Variants in RIN3 observed in about 807,000 individuals in gnomAD.
The protein encoded by RIN3 is Ras and Rab interactor 3, also known as RAB5 interacting protein 3.
Under a neutral mutation model 76.3 loss-of-function variants are expected in RIN3, and 54 were observed. The observed-to-expected ratio is 0.71, with a 90% CI of 0.57 to 0.89. The LOEUF (loss-of-function observed/expected upper bound fraction) is 0.89. Ranked by LOEUF, RIN3 falls within the 40% of genes least tolerant of loss-of-function variation. RIN3 has a pLI of 0.00. For missense variants in RIN3, 1,256 were observed against 1,322.1 expected, an observed-to-expected ratio of 0.95 and a Z score of 0.78; for synonymous variants, 576 against 564.0, an observed-to-expected ratio of 1.02 and a Z score of -0.30.
chr14:92,540,728 C>A (rs1595399126), intron 1 of RIN3, among the ~76,000 whole-genome samples: 1 of 152,310 alleles, frequency 6.6e-6, no homozygotes, highest in East Asian at 1.9e-4. Flanking sequence ...GCCAGCCTGG[C>A]CGCCTGCCTT....
At chr14:92,620,156 T>C (rs1232615773) in intron 4 of RIN3, among the ~76,000 whole-genome samples, 1 of 152,230 alleles carries the variant, frequency 6.6e-6, no homozygotes, top group Non-Finnish European at 1.5e-5. Flanking sequence ...GACTTTTCCT[T>C]TATATTTAAC....
chr14:92,619,805 G>A (rs1218142599), intron 4 of RIN3, among the ~76,000 whole-genome samples: 1 of 152,132 alleles, frequency 6.6e-6, no homozygotes, highest in Non-Finnish European at 1.5e-5. Flanking sequence ...AAGTTTGACT[G>A]TTTCCAGCAT....
chr14:92,528,246 C>T (rs907073182), intron 1 of RIN3, among the ~76,000 whole-genome samples: 3 of 151,920 alleles, frequency 2.0e-5, no homozygotes, highest in Non-Finnish European at 4.4e-5. Flanking sequence ...TCCCTCCCAC[C>T]GCCTCCCTCC....
At position 92,648,261 on chromosome 14, in the gene RIN3, C is replaced by A. The variant is rs921615277; in HGVS notation, c.533-3321C>A. Among the ~76,000 whole-genome samples the A allele has an allele frequency of 4.6e-5, 7 of 152,252 alleles. No individual in the cohort carries two copies. Among genetic ancestry groups the A allele is most frequent in the African/African-American group, 1.4e-4 (6 of 41,562 alleles). ...GGTTTGCCAGGGTGCAAACCCCAGG[C>A]CTGTCTTGGGGCAGGGAAGCTGTGT... On this transcript the variant is annotated intron_variant, in intron 5 of 9. Coordinates refer to ENST00000216487, the MANE Select transcript of RIN3 (RefSeq NM_024832.5). This position sits in a 1 kb window ranked among gnomAD's most constrained non-coding sequence, Gnocchi z 4.1.
chr14:92,602,407 T>G (rs73328375), intron 3 of RIN3, among the ~76,000 whole-genome samples: 15,065 of 152,218 alleles, frequency 0.099, 931 homozygotes, highest in Non-Finnish European at 0.14. Flanking sequence ...TAGGAGGCAC[T>G]GGGACACCCT....
At position 92,643,651 on chromosome 14, in the gene RIN3, G is replaced by A. The variant is rs1887094227; in HGVS notation, c.532+2322G>A. On this transcript the variant is annotated intron_variant, in intron 5 of 9. Coordinates refer to ENST00000216487, the MANE Select transcript of RIN3 (RefSeq NM_024832.5). The surrounding 1 kb of genome is among the most constrained non-coding windows in gnomAD (Gnocchi z 4.8). Reference sequence around the variant, plus strand: ...CATTTTAAAGATAGAACACTGGCTGGACACAGTGGCTCATGCCTATAATCT... The same window carrying A: ...CATTTTAAAGATAGAACACTGGCTGAACACAGTGGCTCATGCCTATAATCT... 1.3e-5 allele frequency among the ~76,000 whole-genome samples: 2 copies of A among 152,274 alleles called. No homozygotes were observed. Among genetic ancestry groups the A allele is most frequent in the South Asian group, 4.1e-4 (2 of 4,822 alleles).
chr14:92,590,000 C>T (rs895130510), intron 3 of RIN3, among the ~76,000 whole-genome samples: 1 of 152,198 alleles, frequency 6.6e-6, no homozygotes, highest in Non-Finnish European at 1.5e-5. Flanking sequence ...CAGAAACCCA[C>T]AGGCAAAACT....
In RIN3 at chr14:92,687,952, G is replaced by GC. The variant is rs1399515074; in HGVS notation, c.2661dup (p.Glu888ArgfsTer176). The GC allele has an allele frequency of 6.4e-7, 1 of 1,551,784 alleles. No individual in the cohort carries two copies. Among genetic ancestry groups the GC allele is most frequent in the East Asian group, 2.4e-5 (1 of 41,252 alleles). ...ACTTCATCTGCGTGTCGTACCTGGAGCCCGAGCAGCAGGCGCGGACGCTGG... is the reference window on the plus strand; with the variant it reads ...ACTTCATCTGCGTGTCGTACCTGGAGCCCCGAGCAGCAGGCGCGGACGCTGG... On this transcript the variant is annotated frameshift_variant, in exon 10 of 10. Coordinates refer to ENST00000216487, the MANE Select transcript of RIN3 (RefSeq NM_024832.5). LOFTEE classifies it high-confidence loss of function.
intron 4 of RIN3, among the ~76,000 whole-genome samples, chr14:92,634,027 A>G (rs952492656): frequency 6.6e-6 from 1 of 150,966 alleles, no homozygotes; most frequent in Non-Finnish European, 1.5e-5. Context: ...CTGACCCTCC[A>G]GAGTGTGGGG....
intron 3 of RIN3, among the ~76,000 whole-genome samples, chr14:92,600,309 GC>G (rs1353024623): frequency 3.3e-5 from 5 of 152,174 alleles, no homozygotes; most frequent in African/African-American, 1.2e-4. Context: ...ACAATCCAGT[GC>G]CCTAACACGC....
At chr14:92,515,969 G>T (rs141181364) in intron 1 of RIN3, among the ~76,000 whole-genome samples, 2 of 152,280 alleles carry the variant, frequency 1.3e-5, no homozygotes, top group African/African-American at 4.8e-5. Flanking sequence ...GTCTGCCCAG[G>T]GTCCAGTGCA....
rs558129307 is a variant in RIN3 at position 92,585,665 on chromosome 14, C to T, written c.367+8188C>T. Among the ~76,000 whole-genome samples, 3 of 152,266 alleles carry T rather than the reference C, an allele frequency of 2.0e-5. No individual in the cohort carries two copies. The South Asian group carries it at 6.2e-4, about 32-fold the overall frequency. On this transcript the variant is annotated intron_variant, in intron 3 of 9. Transcript: ENST00000216487. ...TTTGTTGTTTGTTTTCACGGTCTCA[C>T]TCTATCAGGCTCTGGAGTGCAGTAG...
chr14:92,531,224 G>T (rs1286923146), intron 1 of RIN3, among the ~76,000 whole-genome samples: 2 of 152,138 alleles, frequency 1.3e-5, no homozygotes, highest in African/African-American at 4.8e-5. Flanking sequence ...GTCTGGCGGG[G>T]TCCAGTCACT....
At chr14:92,533,847 G>A (rs1395466238) in intron 1 of RIN3, among the ~76,000 whole-genome samples, 1 of 152,140 alleles carries the variant, frequency 6.6e-6, no homozygotes, top group Non-Finnish European at 1.5e-5. Context: ...AATACCACTT[G>A]TTCCCCAAAA....
At chr14:92,545,231 T>C (rs1897233179) in intron 1 of RIN3, among the ~76,000 whole-genome samples, 1 of 146,342 alleles carries the variant, frequency 6.8e-6, no homozygotes, top group African/African-American at 2.5e-5. Context: ...TGCCTCAGCC[T>C]CCAAAGTAGG....
At chr14:92,597,302 A>G (rs990052320) in intron 3 of RIN3, among the ~76,000 whole-genome samples, 11 of 152,236 alleles carry the variant, frequency 7.2e-5, no homozygotes, top group Non-Finnish European at 1.6e-4. Context: ...AATCAGATGC[A>G]TAATGTGAGA....
intron 2 of RIN3, among the ~76,000 whole-genome samples, chr14:92,576,740 A>G (rs1898249874): frequency 6.6e-6 from 1 of 151,832 alleles, no homozygotes; most frequent in African/African-American, 2.4e-5. Context: ...TAATAATAAA[A>G]CTCATGGGGT....
chr14:92,549,792 G>A lies in RIN3; in HGVS notation c.45-5959G>A, dbSNP rs541414321. On this transcript the variant is annotated intron_variant, in intron 1 of 9. Transcript: ENST00000216487. The stretch of plus-strand genomic sequence containing the variant: ...GGCAGCCATAGGATCAGAAGCCTGT[G>A]GGCCTGCTGCTCTGAGCTCATTGCT... Among the ~76,000 whole-genome samples, 9 of 152,348 alleles carry A rather than the reference G, an allele frequency of 5.9e-5. No individual in the cohort carries two copies. In the East Asian group the frequency reaches 1.7e-3, roughly 29 times the overall value.
intron 1 of RIN3, among the ~76,000 whole-genome samples, chr14:92,530,490 G>A (rs1896855558): frequency 6.6e-6 from 1 of 152,204 alleles, no homozygotes; most frequent in Admixed American, 6.5e-5. Context: ...CATTTACTCA[G>A]GGTCGAGTTT....
Sources: gnomAD v4.1 joint callset for allele counts (sites outside exome capture counted in the v4.1 genomes callset) on GRCh38, gnomAD v4.1.1 for gene constraint, Gnocchi (gnomAD v3.1) non-coding constraint, MANE v1.5 for transcripts, NCBI Gene and HGNC (gene_info 2026-07-23, HGNC 2026-07-21) for gene names.